The following GPAT4 variants were observed in gnomAD, a reference collection of about 807,000 sequenced individuals.
The protein encoded by GPAT4 is glycerol-3-phosphate acyltransferase 4.
A neutral mutation model predicts 58.0 loss-of-function variants in GPAT4; 17 were observed. The ratio of observed to expected loss-of-function variants is 0.29; its 90% confidence interval spans 0.20 to 0.44. The LOEUF (loss-of-function observed/expected upper bound fraction) is 0.44, where lower values mean the gene tolerates loss of function less well. Among genes scored for constraint, GPAT4 ranks in the 20% least tolerant of loss-of-function variants. The probability of loss-of-function intolerance (pLI) is 1.00; values close to 1 mark genes in which losing one functional copy is unlikely to be tolerated. For synonymous variants in GPAT4, 204 were observed against 210.1 expected (o/e 0.97, Z 0.25); for missense variants, 377 against 574.5 (o/e 0.66, Z 3.51).
rs1296707639 is a variant in GPAT4 at position 41,623,871 on chromosome 8, C to G, written c.*2870C>G. On this transcript the variant is annotated 3_prime_UTR_variant, in exon 13 of 13. Coordinates refer to ENST00000396987, the MANE Select transcript of GPAT4 (RefSeq NM_178819.4). ...TTTTTTTTAAACACGGAGTTTCACT[C>G]TTGTTGCCCATGCTGGAGTGCAATG... 6.6e-6 allele frequency: 1 copy of G among 151,414 alleles called. No individual in the cohort carries two copies. Among genetic ancestry groups the G allele is most frequent in the Non-Finnish European group, 1.5e-5 (1 of 67,912 alleles). The allele number at this position is 151,414 out of a possible 1,614,324, so 9.4% of individuals were successfully genotyped here.
Position 41,620,974 on chromosome 8 carries a change from G to A in GPAT4, c.1344G>A (p.Gly448=). 1 of 1,551,326 alleles carries A rather than the reference G, an allele frequency of 6.4e-7. No individual in the cohort carries two copies. Among genetic ancestry groups the A allele is most frequent in the Non-Finnish European group, 8.7e-7 (1 of 1,147,112 alleles). The change falls in exon 13 of 13, where the codon GGG becomes GGA. Residue 448 remains glycine (G), a synonymous_variant. Coordinates refer to ENST00000396987, the MANE Select transcript of GPAT4 (RefSeq NM_178819.4). ...QQKLYSKMIV[G]NHKDRSRS ...AGCTGTACAGCAAGATGATCGTGGG[G>A]AACCACAAGGACAGGAGCCGCTCCT...
intron 9 of GPAT4, 117 bp downstream of exon 9, chr8:41,614,558 T>C: frequency 2.0e-6 from 2 of 1,000,126 alleles, no homozygotes; most frequent in Non-Finnish European, 3.0e-6. Context: ...TTTCACTGAA[T>C]AATGTTAGGT....
chr8:41,615,615 C>T (rs572374531), intron 10 of GPAT4, among the ~76,000 whole-genome samples: 1 of 152,108 alleles, frequency 6.6e-6, no homozygotes. Flanking sequence ...CTTCAGACAC[C>T]CAGAGCTATA....
intron 2 of GPAT4, among the ~76,000 whole-genome samples, chr8:41,604,989 C>T (rs1803218529): frequency 6.6e-6 from 1 of 152,176 alleles, no homozygotes; most frequent in Non-Finnish European, 1.5e-5. Flanking sequence ...GTGATTTTAA[C>T]ATAGCCTTGA....
intron 4 of GPAT4, 30 bp from the exon 5 acceptor site, chr8:41,610,706 G>C: frequency 6.3e-7 from 1 of 1,595,496 alleles, no homozygotes; most frequent in Non-Finnish European, 8.5e-7. Context: ...TGATTTGCTG[G>C]CTGTGCTCTA....
chr8:41,615,736 G>A (rs1263900394), intron 10 of GPAT4, among the ~76,000 whole-genome samples: 5 of 152,188 alleles, frequency 3.3e-5, no homozygotes, highest in African/African-American at 1.2e-4. Flanking sequence ...CCTCAGTGTG[G>A]TTAAAGTATT....
Position 41,614,985 on chromosome 8 carries a change from G to T in GPAT4, c.990G>T (p.Ser330=), listed in dbSNP as rs780347677. Residue 330 remains serine (S), a synonymous_variant, in exon 10 of 13, where the codon TCG becomes TCT. Coordinates refer to ENST00000396987, the MANE Select transcript of GPAT4 (RefSeq NM_178819.4). ...FPEGTCINNT[S]VMMFKKGSFE... ...TAGGAACCTGCATCAATAATACATC[G>T]GTGATGATGTTCAAAAAGGGAAGTT... 2 of 1,614,036 alleles carry T rather than the reference G, an allele frequency of 1.2e-6. No individual in the cohort carries two copies. Among genetic ancestry groups the T allele is most frequent in the Non-Finnish European group, 1.7e-6 (2 of 1,179,940 alleles).
intron 2 of GPAT4, among the ~76,000 whole-genome samples, chr8:41,603,525 CAAAAAAAAAAA>C (rs35302781): frequency 4.7e-5 from 4 of 85,306 alleles, no homozygotes; most frequent in East Asian, 6.7e-4. Context: ...GACTCCGTCT[CAAAAAAAAAAA>C]AAAAAAAAAA....
At chr8:41,606,770 C>T (rs937676485) in intron 2 of GPAT4, among the ~76,000 whole-genome samples, 5 of 152,118 alleles carry the variant, frequency 3.3e-5, no homozygotes, top group Non-Finnish European at 5.9e-5. Context: ...TTGGCTAGCA[C>T]GGGTAGTCTT....
chr8:41,609,494 G>C lies in GPAT4; in HGVS notation c.235+9G>C. The C allele has an allele frequency of 6.2e-7, 1 of 1,614,024 alleles. No individual in the cohort carries two copies. Among genetic ancestry groups the C allele is most frequent in the Non-Finnish European group, 8.5e-7 (1 of 1,179,878 alleles). On this transcript the variant is annotated intron_variant, in intron 3 of 12. Coordinates refer to ENST00000396987, the MANE Select transcript of GPAT4 (RefSeq NM_178819.4). ...CAAGCCCTACACCAACGGTAAGATG[G>C]GGGTGTGATCCTTGTCCTGAGAGGT...
At chr8:41,585,413 G>A (rs1206080978) in intron 1 of GPAT4, among the ~76,000 whole-genome samples, 2 of 152,086 alleles carry the variant, frequency 1.3e-5, no homozygotes, top group South Asian at 4.1e-4. Context: ...AAACCCTTCC[G>A]AGGCTCGGTT....
chr8:41,582,618 A>G (rs1802551832), intron 1 of GPAT4, among the ~76,000 whole-genome samples: 1 of 152,178 alleles, frequency 6.6e-6, no homozygotes. Flanking sequence ...TTTAAAAAGC[A>G]CAAAGAAATA....
At chr8:41,582,996 G>A (rs1308775733) in intron 1 of GPAT4, among the ~76,000 whole-genome samples, 1 of 152,108 alleles carries the variant, frequency 6.6e-6, no homozygotes, top group Non-Finnish European at 1.5e-5. Flanking sequence ...GCCAAAGTGG[G>A]TAGATCACTT....
chr8:41,611,808 C>A, intron 5 of GPAT4, 95 bp from the exon 6 acceptor site: 3 of 1,129,084 alleles, frequency 2.7e-6, no homozygotes, highest in Non-Finnish European at 3.9e-6. Context: ...AAGCACTTTG[C>A]TGTTATAAAG....
intron 1 of GPAT4, among the ~76,000 whole-genome samples, chr8:41,593,946 A>G (rs1000239945): frequency 3.3e-5 from 5 of 152,216 alleles, no homozygotes; most frequent in African/African-American, 1.2e-4. Flanking sequence ...GCCAAACACC[A>G]TTTTATATTT....
chr8:41,604,798 TTG>T (rs1187405043), intron 2 of GPAT4, among the ~76,000 whole-genome samples: 2 of 152,112 alleles, frequency 1.3e-5, no homozygotes, highest in African/African-American at 4.8e-5. Flanking sequence ...GGTGGTGGCA[TTG>T]TGTGCGATGG....
intron 2 of GPAT4, among the ~76,000 whole-genome samples, chr8:41,605,217 C>T (rs1346383255): frequency 6.6e-6 from 1 of 152,224 alleles, no homozygotes; most frequent in Non-Finnish European, 1.5e-5. Flanking sequence ...TGGCTGCCGC[C>T]TCTTGAGGTT....
chr8:41,580,729 A>C (rs1802488625), intron 1 of GPAT4, among the ~76,000 whole-genome samples: 1 of 152,214 alleles, frequency 6.6e-6, no homozygotes, highest in South Asian at 2.1e-4. Flanking sequence ...GTTGTTATGC[A>C]TGTCCAGTTT....
In GPAT4 at chr8:41,599,353, G is replaced by A. The variant is rs138968347; in HGVS notation, c.165+49G>A. On this transcript the variant is annotated intron_variant, in intron 2 of 12. Transcript: ENST00000396987. ...TTGCTTCACAGAGGAGGGTAGAAGTGCATTTAGCAAAAAGTTATTCTTACA... is the reference window on the plus strand; with the variant it reads ...TTGCTTCACAGAGGAGGGTAGAAGTACATTTAGCAAAAAGTTATTCTTACA... 183 of 1,587,596 alleles carry A rather than the reference G, an allele frequency of 1.2e-4. 1 individual carries two copies. The East Asian group carries it at 4.0e-3, about 35-fold the overall frequency.
Sources: allele counts gnomAD v4.1 joint callset (sites outside exome capture counted in the v4.1 genomes callset), GRCh38; gene constraint gnomAD v4.1.1; transcripts MANE v1.5; gene names NCBI Gene and HGNC (gene_info 2026-07-23, HGNC 2026-07-21).